The following PDGFRB variants were observed in gnomAD, a reference collection of about 807,000 sequenced individuals.
PDGFRB encodes the protein platelet derived growth factor receptor beta, also known as platelet-derived growth factor receptor beta.
Under a neutral mutation model 120.2 loss-of-function variants are expected in PDGFRB, and 42 were observed. The ratio of observed to expected loss-of-function variants is 0.35; its 90% CI spans 0.27 to 0.45. The LOEUF is 0.45. PDGFRB is among the 20% of genes least tolerant of loss of function. The probability of loss-of-function intolerance (pLI) is 1.00; values close to 1 mark genes in which losing one functional copy is unlikely to be tolerated. For synonymous variants in PDGFRB, 586 were observed against 606.8 expected, an observed-to-expected ratio of 0.97 and a Z score of 0.50; for missense variants, 1,149 against 1,476.3, an observed-to-expected ratio of 0.78 and a Z score of 3.63.
chr5:150,143,963 C>G (rs568522142), intron 1 of PDGFRB, among the ~76,000 whole-genome samples: 1 of 152,176 alleles, frequency 6.6e-6, no homozygotes, highest in Non-Finnish European at 1.5e-5. Context: ...CACGCTGCTT[C>G]TAGGCCCGGG....
At chr5:150,130,287 T>C (rs1392750034) in intron 9 of PDGFRB, among the ~76,000 whole-genome samples, 2 of 152,186 alleles carry the variant, frequency 1.3e-5, no homozygotes, top group Non-Finnish European at 2.9e-5. Context: ...AGAACTGATC[T>C]ACAGGGCGGG....
rs1201628981 is a variant in PDGFRB at position 150,135,000 on chromosome 5, G to A, written c.381C>T (p.Phe127=). 2.5e-6 allele frequency: 4 copies of A among 1,592,996 alleles called. No homozygotes were observed. In the South Asian group the frequency reaches 3.3e-5, roughly 13 times the overall value. ...ATAGTTCCTCGGCATCATTAGGGAG[G>A]AAGCCCACGGTGGGATCTGCCAGGA... ...YIFVPDPTVG[F]LPNDAEELFI... is the part of the protein sequence containing the mutation. The change falls in exon 4 of 23, where the codon TTC becomes TTT. Residue 127 remains phenylalanine (F), a synonymous_variant. Coordinates refer to ENST00000261799, the MANE Select transcript of PDGFRB (RefSeq NM_002609.4).
rs577566833 is a variant in PDGFRB, at chr5:150,127,608, G to A, written c.1580-994C>T. ...CCCAGCACTTTGGGAGGCCAAGGTGGGCGGATCACGAGGTCAGGAGTTCAA... is the reference window on the plus strand; with the variant it reads ...CCCAGCACTTTGGGAGGCCAAGGTGAGCGGATCACGAGGTCAGGAGTTCAA... On this transcript the variant is annotated intron_variant, in intron 10 of 22. Coordinates refer to ENST00000261799, the MANE Select transcript of PDGFRB (RefSeq NM_002609.4). 1.1e-4 allele frequency among the ~76,000 whole-genome samples: 17 copies of A among 152,186 alleles called. No homozygotes were observed. In the East Asian group the frequency reaches 3.3e-3, roughly 29 times the overall value.
chr5:150,147,143 A>G (rs973962659), intron 1 of PDGFRB, among the ~76,000 whole-genome samples: 3 of 152,164 alleles, frequency 2.0e-5, no homozygotes, highest in African/African-American at 7.2e-5. Context: ...TGCTGTGCAC[A>G]GGGTCCAGGC....
intron 10 of PDGFRB, among the ~76,000 whole-genome samples, chr5:150,128,393 G>A (rs893994031): frequency 3.3e-5 from 5 of 152,230 alleles, no homozygotes; most frequent in East Asian, 1.9e-4. Context: ...AGACAGGCAC[G>A]TGCCTGAACA....
chr5:150,134,502 C>G (rs1438832335), intron 4 of PDGFRB, among the ~76,000 whole-genome samples: 1 of 152,222 alleles, frequency 6.6e-6, no homozygotes, highest in Non-Finnish European at 1.5e-5. Flanking sequence ...AGCTTGTGCC[C>G]TCACCGACCA....
chr5:150,142,222 C>A (rs1445331848), intron 1 of PDGFRB, among the ~76,000 whole-genome samples: 2 of 152,114 alleles, frequency 1.3e-5, no homozygotes, highest in African/African-American at 4.8e-5. Context: ...AAGATGGGCT[C>A]GGGTGATCGG....
intron 22 of PDGFRB, 74 bp downstream of exon 22, chr5:150,117,544 G>GCGCACGCACACACA: frequency 1.9e-6 from 1 of 513,914 alleles, no homozygotes; most frequent in Non-Finnish European, 3.3e-6. Context: ...GCGCGCGCGC[G>GCGCACGCACACACA]CACACACACA....
rs1760001491 is a variant in PDGFRB, at chr5:150,117,664, C to T, written c.3091G>A (p.Glu1031Lys). 8.1e-6 allele frequency: 13 copies of T among 1,613,820 alleles called. No individual in the cohort carries two copies. In the East Asian group the frequency reaches 1.1e-4, roughly 14 times the overall value. ...YIIPLPDPKP[E>K]VADEGPLEGS... ...TCCAGTGGGCCCTCGTCAGCAACCT[C>T]GGGTTTGGGGTCAGGCAGGGGGATG... The change falls in exon 22 of 23, where the codon GAG becomes AAG. Residue 1031 changes from glutamate (E) to lysine (K), a missense_variant. Glu to Lys is a moderately conservative substitution (Grantham distance 56). This residue lies in a region of PDGFRB where 202 missense variants were observed against 214.3 expected (regional missense o/e 0.94). Transcript: ENST00000261799.
Position 150,121,133 on chromosome 5 carries a change from G to T in PDGFRB, c.2463+71C>A. 1 of 1,353,866 alleles carries T rather than the reference G, an allele frequency of 7.4e-7. No homozygotes were observed. Among genetic ancestry groups the T allele is most frequent in the Non-Finnish European group, 1.1e-6 (1 of 942,736 alleles). The allele number at this position is 1,353,866 out of a possible 1,614,324, so 83.9% of individuals were successfully genotyped here. On this transcript the variant is annotated intron_variant, in intron 17 of 22. Coordinates refer to ENST00000261799, the MANE Select transcript of PDGFRB (RefSeq NM_002609.4). The surrounding 1 kb of genome is among the most constrained non-coding windows in gnomAD (Gnocchi z 4.1). ...CGAGAGGCCACCCTGGTGTGCTCTT[G>T]GAGGATGCTGGCTGGCTGGGTGACC... is the stretch of plus-strand genomic sequence containing the variant.
At chr5:150,137,724 T>C (rs952951769) in intron 1 of PDGFRB, among the ~76,000 whole-genome samples, 4 of 152,074 alleles carry the variant, frequency 2.6e-5, no homozygotes, top group African/African-American at 9.7e-5. Context: ...GCCTCACAGG[T>C]CCTTGGAGAC....
chr5:150,118,019 T>C (rs943061164), intron 21 of PDGFRB, among the ~76,000 whole-genome samples, 169 bp from the exon 22 acceptor site: 1 of 152,042 alleles, frequency 6.6e-6, no homozygotes. Context: ...CTACCTCACA[T>C]AGAATCTTAC....
At chr5:150,145,585 A>G (rs551604811) in intron 1 of PDGFRB, among the ~76,000 whole-genome samples, 2 of 152,362 alleles carry the variant, frequency 1.3e-5, no homozygotes, top group Admixed American at 1.3e-4. Flanking sequence ...AAAGCTTGCC[A>G]GTGGTGTCTC....
rs898812768 is a variant in PDGFRB at position 150,130,057 on chromosome 5, G to C, written c.1368-89C>G. 5 of 1,040,602 alleles carry C rather than the reference G, an allele frequency of 4.8e-6. No individual in the cohort carries two copies. In the Admixed American group the frequency reaches 8.7e-5, roughly 18 times the overall value. The allele number at this position is 1,040,602 out of a possible 1,614,324, so 64.5% of individuals were successfully genotyped here. A position where few individuals can be genotyped will look rare whatever the true frequency, so the allele number is the denominator to read the frequency against. On this transcript the variant is annotated intron_variant, in intron 9 of 22. Transcript: ENST00000261799. ...AGAAACTGGTGGAAGGAGGCAGGACGTGTCCAGTTCCTATGTCCCACTGCC... is the reference window on the plus strand; with the variant it reads ...AGAAACTGGTGGAAGGAGGCAGGACCTGTCCAGTTCCTATGTCCCACTGCC...
intron 3 of PDGFRB, 104 bp from the exon 4 acceptor site, chr5:150,135,120 C>T (rs1760586465): frequency 3.0e-6 from 2 of 655,922 alleles, no homozygotes; most frequent in Non-Finnish European, 5.4e-6. Context: ...CTCTGTCTCC[C>T]CGTTACAGAA....
chr5:150,154,898 T>C (rs1049857244), intron 1 of PDGFRB, among the ~76,000 whole-genome samples: 2 of 152,100 alleles, frequency 1.3e-5, no homozygotes, highest in Admixed American at 6.5e-5. Flanking sequence ...ATCTAGAAAA[T>C]TTGCAAATCC....
At chr5:150,146,330 T>C (rs1290018055) in intron 1 of PDGFRB, among the ~76,000 whole-genome samples, 2 of 152,232 alleles carry the variant, frequency 1.3e-5, no homozygotes, top group African/African-American at 4.8e-5. Flanking sequence ...AAGTCCCTAC[T>C]AATTTAGAGC....
Position 150,135,783 on chromosome 5 carries a change from C to T in PDGFRB, c.136G>A (p.Val46Ile). Reference sequence around the variant, plus strand: ...CAGGTCAGAACGAAGGTGCTGGAGACATTGAGGACAAGCTCTGGCCCCGGG... The same window carrying T: ...CAGGTCAGAACGAAGGTGCTGGAGATATTGAGGACAAGCTCTGGCCCCGGG... ...TPPGPELVLN[V>I]SSTFVLTCSG... The change falls in exon 3 of 23, where the codon GTC becomes ATC. Residue 46 changes from valine to isoleucine, a missense_variant. Physicochemically the swap from Val to Ile is conservative, Grantham distance 29. Around this residue, in one of 3 missense-constraint regions of PDGFRB, gnomAD observed 879 missense variants for 1,108.6 expected, o/e 0.79. Transcript: ENST00000261799. 1.9e-5 allele frequency: 31 copies of T among 1,608,846 alleles called. No individual in the cohort carries two copies. Among genetic ancestry groups the T allele is most frequent in the Non-Finnish European group, 2.5e-5 (30 of 1,177,248 alleles).
intron 1 of PDGFRB, among the ~76,000 whole-genome samples, chr5:150,141,078 C>T (rs1007886976): frequency 3.3e-5 from 5 of 152,196 alleles, no homozygotes; most frequent in Admixed American, 6.5e-5. Flanking sequence ...TGCCTGCCTA[C>T]GCACTTCCTC....
Sources: gnomAD v4.1 joint callset for allele counts (sites outside exome capture counted in the v4.1 genomes callset) on GRCh38, gnomAD v4.1.1 for gene constraint, gnomAD v4.1.1 regional missense constraint, Gnocchi (gnomAD v3.1) non-coding constraint, MANE v1.5 for transcripts, NCBI Gene and HGNC (gene_info 2026-07-23, HGNC 2026-07-21) for gene names.